ARHGEF17: variants seen among roughly 807,000 people sequenced by gnomAD.
The protein encoded by ARHGEF17 is Rho guanine nucleotide exchange factor 17, also known as 164 kDa Rho-specific guanine-nucleotide exchange factor.
In ARHGEF17, 80 loss-of-function variants were observed where a neutral mutation model predicts 174.0. The ratio of observed to expected loss-of-function variants is 0.46; its 90% CI spans 0.38 to 0.55. The LOEUF (loss-of-function observed/expected upper bound fraction) is 0.55, where lower values mean the gene tolerates loss of function less well. ARHGEF17 is among the 20% of genes least tolerant of loss of function. The pLI, the probability that ARHGEF17 is intolerant of heterozygous loss-of-function variation, is 0.00. For missense variants in ARHGEF17, 2,886 were observed against 2,839.7 expected (o/e 1.02, Z -0.37); for synonymous variants, 1,311 against 1,189.1 (o/e 1.10, Z -2.11).
At chr11:73,354,988 G>A (rs1865612788) in intron 3 of ARHGEF17, among the ~76,000 whole-genome samples, 1 of 152,250 alleles carries the variant, frequency 6.6e-6, no homozygotes, top group Non-Finnish European at 1.5e-5. Flanking sequence ...ATCAGGAGAA[G>A]CCAGAGGCCA....
At chr11:73,322,649 GT>G (rs1333296558) in intron 1 of ARHGEF17, among the ~76,000 whole-genome samples, 1 of 152,196 alleles carries the variant, frequency 6.6e-6, no homozygotes, top group Non-Finnish European at 1.5e-5. Context: ...GGGCAGGGAG[GT>G]CTCAGTTTGA....
At chr11:73,366,162 GTA>G (rs1865835623) in intron 20 of ARHGEF17, among the ~76,000 whole-genome samples, 1 of 152,130 alleles carries the variant, frequency 6.6e-6, no homozygotes, top group Non-Finnish European at 1.5e-5. Context: ...TGTGTTGTGT[GTA>G]TATAAAGTTC....
intron 9 of ARHGEF17, among the ~76,000 whole-genome samples, chr11:73,359,486 A>C (rs1293709323): frequency 1.3e-5 from 2 of 152,182 alleles, no homozygotes; most frequent in Non-Finnish European, 2.9e-5. Context: ...CTCTGTCAGC[A>C]CGCCCACGGG....
intron 2 of ARHGEF17, among the ~76,000 whole-genome samples, chr11:73,347,817 T>C (rs1267606922): frequency 1.3e-5 from 2 of 152,052 alleles, no homozygotes. Flanking sequence ...GTCAAGGCCA[T>C]TGAGATCCGG....
At chr11:73,344,380 G>T (rs542382018) in intron 1 of ARHGEF17, among the ~76,000 whole-genome samples, 3 of 152,318 alleles carry the variant, frequency 2.0e-5, no homozygotes, top group Non-Finnish European at 2.9e-5. Flanking sequence ...GTGCTCTGCC[G>T]CAGGGAGGAG....
rs202168618 is a variant in ARHGEF17, at chr11:73,352,844, G to A, written c.3285G>A (p.Pro1095=). The change falls in exon 3 of 21, where the codon CCG becomes CCA. Residue 1095 remains proline, a synonymous_variant. Coordinates refer to ENST00000263674, the MANE Select transcript of ARHGEF17 (RefSeq NM_014786.4). The part of the protein sequence containing the change: ...LRTLMQGYMQ[P]LKQPENSVLC... ...GGGTCCTTCAGGGCTACATGCAGCC[G>A]CTGAAGCAGCCAGAGAACTCCGTGC... is the stretch of plus-strand genomic sequence containing the variant. 72 of 1,613,952 alleles carry A rather than the reference G, an allele frequency of 4.5e-5. No individual in the cohort carries two copies. Among genetic ancestry groups the A allele is most frequent in the Middle Eastern group, 1.6e-4 (1 of 6,062 alleles).
At chr11:73,341,800 A>G (rs1166371515) in intron 1 of ARHGEF17, among the ~76,000 whole-genome samples, 2 of 152,200 alleles carry the variant, frequency 1.3e-5, no homozygotes, top group Non-Finnish European at 2.9e-5. Context: ...CAGGATGTCC[A>G]CTGTGCAGGA....
At chr11:73,316,566 G>A (rs1358164514) in intron 1 of ARHGEF17, among the ~76,000 whole-genome samples, 1 of 152,244 alleles carries the variant, frequency 6.6e-6, no homozygotes, top group Admixed American at 6.5e-5. Context: ...GAGGGAGCAG[G>A]TCAGGTGGCT....
chr11:73,329,556 C>G (rs112540864), intron 1 of ARHGEF17, among the ~76,000 whole-genome samples: 1 of 150,238 alleles, frequency 6.7e-6, no homozygotes. Flanking sequence ...TGCACCACCA[C>G]GCCCAGCTAA....
chr11:73,329,322 C>CAT (rs1164051322), intron 1 of ARHGEF17, among the ~76,000 whole-genome samples: 5 of 15,312 alleles, frequency 3.3e-4, no homozygotes, highest in East Asian at 2.4e-3. Context: ...TGAGAGCTTT[C>CAT]ATATATATAT....
Position 73,357,098 on chromosome 11 carries a change from G to A in ARHGEF17, c.3965G>A (p.Arg1322Gln), listed in dbSNP as rs1309279328. 1.2e-6 allele frequency: 2 copies of A among 1,614,214 alleles called. No individual in the cohort carries two copies. The highest frequency in any genetic ancestry group is 1.7e-5 in the Admixed American group (1 of 60,030). ...TDLIVCTTLK[R>Q]KSGSLRRSSM... ...CTCATCGTCTGCACCACTCTGAAGC[G>A]AAAGTCAGGCTCCCTGCGGCGCAGC... is the stretch of plus-strand genomic sequence containing the variant. The change falls in exon 8 of 21, where the codon CGA (arginine) becomes CAA (glutamine). Residue 1322 changes from arginine (R) to glutamine (Q), a missense_variant. This residue lies in a region of ARHGEF17 where 353 missense variants were observed against 470.3 expected (regional missense o/e 0.75). Transcript: ENST00000263674.
intron 1 of ARHGEF17, among the ~76,000 whole-genome samples, chr11:73,331,583 C>G (rs2134400061): frequency 6.6e-6 from 1 of 152,262 alleles, no homozygotes; most frequent in South Asian, 2.1e-4. Context: ...GAAAGGGCCT[C>G]CCACCCCTGG....
intron 10 of ARHGEF17, 84 bp downstream of exon 10, chr11:73,360,036 G>T: frequency 7.5e-7 from 1 of 1,329,550 alleles, no homozygotes. Flanking sequence ...CCTGACATTT[G>T]CCTGAGGGAA....
At chr11:73,349,000 A>T (rs759334496) in intron 2 of ARHGEF17, among the ~76,000 whole-genome samples, 2 of 152,110 alleles carry the variant, frequency 1.3e-5, no homozygotes, top group Non-Finnish European at 2.9e-5. Context: ...GCTGGAAGGA[A>T]CCTAGAGCAG....
intron 1 of ARHGEF17, among the ~76,000 whole-genome samples, chr11:73,344,062 CTCTG>C (rs1171513706): frequency 6.6e-6 from 1 of 152,202 alleles, no homozygotes; most frequent in African/African-American, 2.4e-5. Flanking sequence ...GAGTGGCCCC[CTCTG>C]TCTTCCTGCT....
chr11:73,352,683 C>A, intron 2 of ARHGEF17, 147 bp from the exon 3 acceptor site: 2 of 792,700 alleles, frequency 2.5e-6, no homozygotes, highest in Non-Finnish European at 4.0e-6. Flanking sequence ...CCTCCTGGAG[C>A]TCTTGGTCTC....
rs565546104 is a variant in ARHGEF17 at position 73,365,294 on chromosome 11, G to C, written c.5551-96G>C. 18 of 1,406,748 alleles carry C rather than the reference G, an allele frequency of 1.3e-5. No individual in the cohort carries two copies. The African/African-American group carries it at 2.0e-4, about 15-fold the overall frequency. 87.1% of individuals were successfully genotyped at this position (1,406,748 alleles called of 1,614,324 possible). A position where few individuals can be genotyped will look rare whatever the true frequency, so the allele number is the denominator to read the frequency against. On this transcript the variant is annotated intron_variant, in intron 18 of 20. Transcript: ENST00000263674. The surrounding 1 kb of genome is among the most constrained non-coding windows in gnomAD (Gnocchi z 4.9). ...TCAGACCAAGGACCAACGCTAGTGT[G>C]AGTTGTGAGGGATGGACACTGGTGA...
chr11:73,327,744 T>C (rs1378407931), intron 1 of ARHGEF17, among the ~76,000 whole-genome samples: 2 of 151,324 alleles, frequency 1.3e-5, no homozygotes, highest in Non-Finnish European at 2.9e-5. Flanking sequence ...AATTTGATGC[T>C]GGTGAGTCAG....
At chr11:73,343,334 A>G (rs1406743080) in intron 1 of ARHGEF17, 2 of 394,310 alleles carry the variant, frequency 5.1e-6, no homozygotes, top group African/African-American at 4.1e-5. Context: ...AACTCAGCCG[A>G]CCCAGGAGCC....
Sources: gnomAD v4.1 joint callset for allele counts (sites outside exome capture counted in the v4.1 genomes callset) on GRCh38, gnomAD v4.1.1 for gene constraint, gnomAD v4.1.1 regional missense constraint, Gnocchi (gnomAD v3.1) non-coding constraint, MANE v1.5 for transcripts, NCBI Gene and HGNC (gene_info 2026-07-23, HGNC 2026-07-21) for gene names.